Variants in RFX2 observed in about 807,000 individuals in gnomAD.
RFX2 encodes regulatory factor X2, also known as DNA-binding protein RFX2.
Under a neutral mutation model 87.8 loss-of-function variants are expected in RFX2, and 20 were observed. The observed-to-expected ratio is 0.23, with a 90% CI of 0.16 to 0.33. RFX2 has a LOEUF of 0.33. RFX2 is among the 10% of genes least tolerant of loss of function. The pLI is 1.00. For missense variants in RFX2, 767 were observed against 1,012.3 expected (o/e 0.76, Z 3.29); for synonymous variants, 397 against 431.3 (o/e 0.92, Z 0.98).
Position 6,040,186 on chromosome 19 carries a change from C to A in RFX2, c.316G>T (p.Ala106Ser). ...CCGCCTGGGGCCTCGAAGTAAGAAG[C>A]CGTGCTGCTGGGGGCGTACATCTGA... Reference protein sequence around the residue: ...EPQMYAPSSTASYFEAPGGAQ... With the variant: ...EPQMYAPSSTSSYFEAPGGAQ... The change falls in exon 5 of 18, where the codon GCT (alanine) becomes TCT (serine). Residue 106 changes from alanine to serine, a missense_variant. By Grantham distance (99) the Ala-to-Ser change is moderately conservative (BLOSUM62 1). This residue lies in a region of RFX2 where 621 missense variants were observed against 873.0 expected (regional missense o/e 0.71). Transcript: ENST00000303657. This position sits in a 1 kb window ranked among gnomAD's most constrained non-coding sequence, Gnocchi z 6.1. 2.5e-6 allele frequency: 4 copies of A among 1,596,538 alleles called. No homozygotes were observed. Among genetic ancestry groups the A allele is most frequent in the Non-Finnish European group, 2.6e-6 (3 of 1,166,772 alleles).
rs2088956178 is a variant in RFX2, at chr19:6,040,797, G to T, written c.261-556C>A. Among the ~76,000 whole-genome samples the T allele has an allele frequency of 6.6e-6, 1 of 152,168 alleles. No individual in the cohort carries two copies. The highest frequency in any genetic ancestry group is 2.4e-5 in the African/African-American group (1 of 41,436). ...ATACAAATAAAACTTAAAATTGTAA[G>T]TGGATAAATGGGTCACATGAGGGAG... On this transcript the variant is annotated intron_variant, in intron 4 of 17. Transcript: ENST00000303657. This position sits in a 1 kb window ranked among gnomAD's most constrained non-coding sequence, Gnocchi z 6.1.
chr19:6,053,729 G>T (rs1276323003), intron 1 of RFX2, among the ~76,000 whole-genome samples: 1 of 152,108 alleles, frequency 6.6e-6, no homozygotes, highest in Non-Finnish European at 1.5e-5. Flanking sequence ...CCGAGGGCGG[G>T]TGGATCACCT....
chr19:6,011,846 T>C lies in RFX2; in HGVS notation c.899+1140A>G, dbSNP rs2086663631. On this transcript the variant is annotated intron_variant, in intron 8 of 17. Transcript: ENST00000303657. The surrounding 1 kb of genome is among the most constrained non-coding windows in gnomAD (Gnocchi z 4.8). ...GGTGTAAAGGTGCCACGTGGGGCTA[T>C]TGCAATGTGGCCCCTGCCCTCAGGG... Among the ~76,000 whole-genome samples, 1 of 152,218 alleles carries C rather than the reference T, an allele frequency of 6.6e-6. No individual in the cohort carries two copies. Among genetic ancestry groups the C allele is most frequent in the Non-Finnish European group, 1.5e-5 (1 of 68,040 alleles).
At chr19:6,041,274 C>T (rs552912155) in intron 4 of RFX2, among the ~76,000 whole-genome samples, 117 of 152,262 alleles carry the variant, frequency 7.7e-4, no homozygotes, top group African/African-American at 2.7e-3. Context: ...CATACAACTC[C>T]ACCAATCACA....
chr19:6,044,919 C>T lies in RFX2; in HGVS notation c.91-637G>A, dbSNP rs2087166727. ...TCCAGCCTCCTAAGTCAAATCTGCA[C>T]AGTGTGGCTTTGCTATTTTTCTGGG... On this transcript the variant is annotated intron_variant, in intron 2 of 17. Transcript: ENST00000303657. The surrounding 1 kb of genome is among the most constrained non-coding windows in gnomAD (Gnocchi z 5.3). Among the ~76,000 whole-genome samples the T allele has an allele frequency of 2.0e-5, 3 of 152,216 alleles. No homozygotes were observed. Among genetic ancestry groups the T allele is most frequent in the African/African-American group, 4.8e-5 (2 of 41,456 alleles).
intron 5 of RFX2, among the ~76,000 whole-genome samples, chr19:6,028,218 A>G (rs1233358665): frequency 6.6e-6 from 1 of 151,922 alleles, no homozygotes; most frequent in Non-Finnish European, 1.5e-5. Flanking sequence ...AAAAAAAACA[A>G]CAAAACCAAA....
chr19:6,029,558 A>T (rs2086930851), intron 5 of RFX2, among the ~76,000 whole-genome samples: 1 of 152,010 alleles, frequency 6.6e-6, no homozygotes, highest in African/African-American at 2.4e-5. Flanking sequence ...AAAATACAAA[A>T]ATTAGCTAGG....
At chr19:6,060,289 A>G (rs1250567610) in intron 1 of RFX2, among the ~76,000 whole-genome samples, 1 of 152,174 alleles carries the variant, frequency 6.6e-6, no homozygotes, top group African/African-American at 2.4e-5. Context: ...CCAACAGCAG[A>G]GGCGAGGAGC....
In RFX2 at chr19:6,044,809, A is replaced by G. The variant is rs2087165455; in HGVS notation, c.91-527T>C. ...TTTCTGATGAGGTTAATGAAGCCAG[A>G]GGGCTCAAGTGCTGCCTCTGGCTAC... On this transcript the variant is annotated intron_variant, in intron 2 of 17. Coordinates refer to ENST00000303657, the MANE Select transcript of RFX2 (RefSeq NM_000635.4). The surrounding 1 kb of genome is among the most constrained non-coding windows in gnomAD (Gnocchi z 5.3). Among the ~76,000 whole-genome samples, 1 of 152,218 alleles carries G rather than the reference A, an allele frequency of 6.6e-6. No individual in the cohort carries two copies. The highest frequency in any genetic ancestry group is 2.1e-4 in the South Asian group (1 of 4,832).
In RFX2 at chr19:6,040,235, T is replaced by C. The variant is rs758057616; in HGVS notation, c.267A>G (p.Thr89=). Residue 89 remains threonine, a synonymous_variant, in exon 5 of 18, where the codon ACA becomes ACG. Coordinates refer to ENST00000303657, the MANE Select transcript of RFX2 (RefSeq NM_000635.4). This position sits in a 1 kb window ranked among gnomAD's most constrained non-coding sequence, Gnocchi z 6.1. ...DAVYTNGAIR[T]AYTYNPEPQM... ...GAGGCTCGGGGTTGTAGGTGTAGGC[T>C]GTTCGTCTGTTAGAAAGAGAGAAGT... 1.3e-6 allele frequency: 2 copies of C among 1,546,328 alleles called. No individual in the cohort carries two copies. Among genetic ancestry groups the C allele is most frequent in the South Asian group, 1.2e-5 (1 of 83,726 alleles).
At chr19:6,090,370 C>CAAAAAAAAAAAAAAAAAAAAAAAAAAAA (rs1169384189) in intron 1 of RFX2, among the ~76,000 whole-genome samples, 1 of 56,580 alleles carries the variant, frequency 1.8e-5, no homozygotes, top group African/African-American at 5.0e-5. Context: ...GACTCTGTCT[C>CAAAAAAAAAAAAAAAAAAAAAAAAAAAA]AAAAAAAAAA....
chr19:6,060,295 G>A (rs2087409373), intron 1 of RFX2, among the ~76,000 whole-genome samples: 1 of 152,158 alleles, frequency 6.6e-6, no homozygotes, highest in African/African-American at 2.4e-5. Flanking sequence ...GCAGAGGCGA[G>A]GAGCTGAGAC....
intron 9 of RFX2, 37 bp from the exon 10 acceptor site, chr19:6,008,261 G>T: frequency 7.1e-7 from 1 of 1,405,926 alleles, no homozygotes; most frequent in Non-Finnish European, 9.7e-7. Flanking sequence ...AAATGGCGAG[G>T]CTCTTAGGAC....
chr19:6,109,068 G>A (rs1291576629), intron 1 of RFX2, among the ~76,000 whole-genome samples: 1 of 152,000 alleles, frequency 6.6e-6, no homozygotes. Flanking sequence ...GGGCGGTGGG[G>A]GCAGGGGGTG....
intron 1 of RFX2, chr19:6,076,928 T>C (rs1244735689): frequency 6.6e-6 from 1 of 152,220 alleles, no homozygotes; most frequent in Admixed American, 6.5e-5. Flanking sequence ...TCTTGCCAAA[T>C]GTGGCAGCTC....
intron 1 of RFX2, among the ~76,000 whole-genome samples, chr19:6,082,908 A>T (rs1259979076): frequency 6.6e-6 from 1 of 152,146 alleles, no homozygotes; most frequent in East Asian, 1.9e-4. Context: ...TCCTGTCTTT[A>T]TGTAAAATTT....
At position 5,993,870 on chromosome 19, in the gene RFX2, G is replaced by A. The variant is rs760340751; in HGVS notation, c.*965C>T. The A allele has an allele frequency of 6.6e-6, 1 of 152,272 alleles. No individual in the cohort carries two copies. Among genetic ancestry groups the A allele is most frequent in the Non-Finnish European group, 1.5e-5 (1 of 68,078 alleles). 9.4% of individuals were successfully genotyped at this position (152,272 alleles called of 1,614,324 possible). The stretch of plus-strand genomic sequence containing the variant: ...GGATTAGTTCAGAGGGAGGTGTTCT[G>A]GAAGACTCCGTGGAGCGGGACGCAG... On this transcript the variant is annotated 3_prime_UTR_variant, in exon 18 of 18. Coordinates refer to ENST00000303657, the MANE Select transcript of RFX2 (RefSeq NM_000635.4).
chr19:6,014,620 C>T (rs566198942), intron 7 of RFX2, among the ~76,000 whole-genome samples: 184 of 152,216 alleles, frequency 1.2e-3, no homozygotes, highest in African/African-American at 4.4e-3. Context: ...GCCAGGTGCT[C>T]GGAGGAGGGA....
In RFX2 at chr19:6,016,259, A is replaced by G. The variant is rs201444512; in HGVS notation, c.610T>C (p.Leu204=). Residue 204 remains leucine, a synonymous_variant, in exon 7 of 18, where the codon TTG becomes CTG. Transcript: ENST00000303657. This position sits in a 1 kb window ranked among gnomAD's most constrained non-coding sequence, Gnocchi z 5.4. The part of the protein sequence containing the change: ...GLLNSHLQWL[L]DNYETAEGVS... ...CCTTCCGCTGTTTCATAATTATCCA[A>G]CAGCCACTGGAGCTGTAAAAAGAAA... is the stretch of plus-strand genomic sequence containing the variant. The G allele has an allele frequency of 2.5e-6, 4 of 1,604,192 alleles. No homozygotes were observed. In the South Asian group the frequency reaches 3.3e-5, roughly 13 times the overall value.
Sources: allele counts gnomAD v4.1 joint callset (sites outside exome capture counted in the v4.1 genomes callset), GRCh38; gene constraint gnomAD v4.1.1; regional missense constraint gnomAD v4.1.1; non-coding constraint Gnocchi (gnomAD v3.1); transcripts MANE v1.5; gene names NCBI Gene and HGNC (gene_info 2026-07-23, HGNC 2026-07-21).